RARB: variants seen among roughly 807,000 people sequenced by gnomAD.
The protein encoded by RARB is retinoic acid receptor beta, also known as HBV-activated protein.
A neutral mutation model predicts 51.9 loss-of-function variants in RARB; 17 were observed. The ratio of observed to expected loss-of-function variants is 0.33; its 90% CI spans 0.22 to 0.49. The LOEUF is 0.49. Ranked by LOEUF, RARB falls within the 20% of genes least tolerant of loss-of-function variation. The probability of loss-of-function intolerance (pLI) is 0.99; values close to 1 mark genes in which losing one functional copy is unlikely to be tolerated. For synonymous variants in RARB, 215 were observed against 195.4 expected, an observed-to-expected ratio of 1.10 and a Z score of -0.84; for missense variants, 369 against 550.8, an observed-to-expected ratio of 0.67 and a Z score of 3.30.
Position 25,428,659 on chromosome 3 carries a change from G to A in RARB, c.-73G>A. 6.6e-7 allele frequency: 1 copy of A among 1,515,120 alleles called. No homozygotes were observed. The highest frequency in any genetic ancestry group is 8.9e-7 in the Non-Finnish European group (1 of 1,119,470). 93.9% of individuals were successfully genotyped at this position (1,515,120 alleles called of 1,614,324 possible). On this transcript the variant is annotated 5_prime_UTR_variant, in exon 1 of 8. Transcript: ENST00000330688. The stretch of plus-strand genomic sequence containing the variant: ...GGGGCAGAGTTTGATGGAGTTGGGT[G>A]GACTTTTCTATGCCATTTGCCTCCA...
intron 5 of RARB, among the ~76,000 whole-genome samples, chr3:25,338,075 GTCA>G (rs1705116060): frequency 6.9e-6 from 1 of 145,652 alleles, no homozygotes; most frequent in Non-Finnish European, 1.5e-5. Flanking sequence ...GCATGTGTAT[GTCA>G]CCCCCCTCCA....
chr3:25,017,212 T>TCC (rs377317400), intron 2 of RARB, among the ~76,000 whole-genome samples: 28 of 143,988 alleles, frequency 1.9e-4, no homozygotes, highest in African/African-American at 7.6e-4. Flanking sequence ...TAACTAGCTT[T>TCC]CCCCCCCCCT....
chr3:25,302,166 T>C (rs1704056383), intron 5 of RARB, among the ~76,000 whole-genome samples: 1 of 152,252 alleles, frequency 6.6e-6, no homozygotes, highest in African/African-American at 2.4e-5. Context: ...GGAAGCCTCC[T>C]ACATTGCTAG....
intron 5 of RARB, among the ~76,000 whole-genome samples, chr3:25,357,299 T>C (rs1374369967): frequency 1.3e-5 from 2 of 152,260 alleles, no homozygotes; most frequent in Non-Finnish European, 2.9e-5. Context: ...GTTTGTTGGC[T>C]GCATAAATGT....
chr3:24,867,632 CT>C (rs2125346793), intron 2 of RARB, among the ~76,000 whole-genome samples: 1 of 152,236 alleles, frequency 6.6e-6, no homozygotes, highest in East Asian at 1.9e-4. Context: ...GGGAAGCAAA[CT>C]TTGGGTGCAG....
intron 2 of RARB, among the ~76,000 whole-genome samples, chr3:24,989,026 A>C (rs1696855033): frequency 6.6e-6 from 1 of 151,884 alleles, no homozygotes. Context: ...GGGTTTCACC[A>C]CGTTGGCCAG....
At chr3:25,137,821 T>C (rs1406859243) in intron 4 of RARB, among the ~76,000 whole-genome samples, 1 of 152,116 alleles carries the variant, frequency 6.6e-6, no homozygotes, top group Non-Finnish European at 1.5e-5. Context: ...CCAATCACCC[T>C]GTCCTTTCGG....
chr3:24,885,291 A>C (rs1486206357), intron 2 of RARB, among the ~76,000 whole-genome samples: 1 of 152,124 alleles, frequency 6.6e-6, no homozygotes, highest in Non-Finnish European at 1.5e-5. Context: ...CTGAAATGGG[A>C]TGCCTTTGGG....
At chr3:25,316,584 G>C (rs1409300777) in intron 5 of RARB, among the ~76,000 whole-genome samples, 1 of 152,048 alleles carries the variant, frequency 6.6e-6, no homozygotes, top group Non-Finnish European at 1.5e-5. Flanking sequence ...CAGAAGAGTG[G>C]GGACAACAGA....
intron 2 of RARB, among the ~76,000 whole-genome samples, chr3:25,022,816 A>G (rs1450406287): frequency 6.6e-6 from 1 of 152,160 alleles, no homozygotes; most frequent in African/African-American, 2.4e-5. Flanking sequence ...CATGGTGGGA[A>G]AGAGCTGGTG....
chr3:24,839,725 G>T (rs868005501), intron 1 of RARB, among the ~76,000 whole-genome samples: 2 of 120,906 alleles, frequency 1.7e-5, no homozygotes, highest in Non-Finnish European at 3.4e-5. Context: ...AAAAAGGGGG[G>T]GGGGGTGGGG....
At chr3:25,544,810 C>A (rs1699549347) in intron 3 of RARB, among the ~76,000 whole-genome samples, 1 of 151,712 alleles carries the variant, frequency 6.6e-6, no homozygotes, top group Admixed American at 6.6e-5. Context: ...GATTTTTGTC[C>A]TAAACTGAAG....
intron 5 of RARB, among the ~76,000 whole-genome samples, chr3:25,182,152 A>C (rs1700874756): frequency 6.6e-6 from 1 of 152,236 alleles, no homozygotes; most frequent in African/African-American, 2.4e-5. Context: ...TGCTAAAAGA[A>C]GCATTGGTTC....
At position 24,859,197 on chromosome 3, in the gene RARB, C is replaced by T. The variant is rs193200920; in HGVS notation, c.-380+445C>T. Among the ~76,000 whole-genome samples, 77 of 152,168 alleles carry T rather than the reference C, an allele frequency of 5.1e-4. No individual in the cohort carries two copies. In the Middle Eastern group the frequency reaches 0.014, roughly 27 times the overall value. On this transcript the variant is annotated intron_variant, in intron 2 of 11. Transcript: ENST00000383772. ...GGCAGCAGTTTCTTGCCAGGAAGAGCGGAGAGAAAAGAATTGAGCTGATGT... is the reference window on the plus strand; with the variant it reads ...GGCAGCAGTTTCTTGCCAGGAAGAGTGGAGAGAAAAGAATTGAGCTGATGT...
intron 5 of RARB, among the ~76,000 whole-genome samples, chr3:25,183,604 G>T (rs999823011): frequency 6.6e-6 from 1 of 152,120 alleles, no homozygotes; most frequent in Non-Finnish European, 1.5e-5. Context: ...ATTATTGGTG[G>T]CAGTGATCTT....
chr3:24,868,719 G>A (rs974012778), intron 2 of RARB, among the ~76,000 whole-genome samples: 1 of 152,136 alleles, frequency 6.6e-6, no homozygotes, highest in Non-Finnish European at 1.5e-5. Flanking sequence ...CTTCACTTGT[G>A]TGATAAAACC....
intron 3 of RARB, among the ~76,000 whole-genome samples, chr3:25,536,570 T>C (rs951178258): frequency 5.3e-5 from 8 of 152,242 alleles, no homozygotes; most frequent in Admixed American, 3.9e-4. Flanking sequence ...AGTACAAACC[T>C]AGATAAGATT....
chr3:25,109,653 C>T (rs1699566473), intron 3 of RARB, among the ~76,000 whole-genome samples: 1 of 152,172 alleles, frequency 6.6e-6, no homozygotes, highest in Non-Finnish European at 1.5e-5. Context: ...CAGCTGGACA[C>T]CTATTGACTC....
At chr3:25,392,823 C>G (rs772611642) in intron 5 of RARB, among the ~76,000 whole-genome samples, 43 of 151,968 alleles carry the variant, frequency 2.8e-4, no homozygotes, top group Non-Finnish European at 5.6e-4. Flanking sequence ...ATACAATCAT[C>G]TCATTAGCAA....
Sources: allele counts gnomAD v4.1 joint callset (sites outside exome capture counted in the v4.1 genomes callset), GRCh38; gene constraint gnomAD v4.1.1; transcripts MANE v1.5; gene names NCBI Gene and HGNC (gene_info 2026-07-23, HGNC 2026-07-21).